The following FAT3 variants were observed in gnomAD, a reference collection of about 807,000 sequenced individuals.
The protein encoded by FAT3 is protocadherin Fat 3.
In FAT3, 95 loss-of-function variants were observed where a neutral mutation model predicts 310.2. The observed-to-expected ratio is 0.31, with a 90% CI of 0.26 to 0.36. The LOEUF (loss-of-function observed/expected upper bound fraction) is 0.36. FAT3 is among the 10% of genes least tolerant of loss of function. The pLI, the probability that FAT3 is intolerant of heterozygous loss-of-function variation, is 1.00. For synonymous variants in FAT3, 2,314 were observed against 2,192.9 expected (o/e 1.06, Z -1.54); for missense variants, 5,408 against 5,715.6 (o/e 0.95, Z 1.74).
At chr11:92,717,914 G>T (rs114508214) in intron 4 of FAT3, among the ~76,000 whole-genome samples, 3 of 152,130 alleles carry the variant, frequency 2.0e-5, no homozygotes, top group East Asian at 1.9e-4. Context: ...AAACTGGATG[G>T]TAGCAAGCTA....
intron 1 of FAT3, among the ~76,000 whole-genome samples, chr11:92,250,342 G>A (rs1265248957): frequency 6.6e-6 from 1 of 152,160 alleles, no homozygotes; most frequent in South Asian, 2.1e-4. Flanking sequence ...ACACTGAAGG[G>A]AGAGTATTCT....
intron 2 of FAT3, among the ~76,000 whole-genome samples, chr11:92,483,511 C>G (rs1952292723): frequency 6.6e-6 from 1 of 151,932 alleles, no homozygotes; most frequent in South Asian, 2.1e-4. Flanking sequence ...AAGCTGTTTT[C>G]TAACATATTT....
intron 10 of FAT3, among the ~76,000 whole-genome samples, chr11:92,803,670 G>A (rs1947427457): frequency 6.6e-6 from 1 of 152,100 alleles, no homozygotes; most frequent in African/African-American, 2.4e-5. Flanking sequence ...AGCATCCCTG[G>A]CCTCTACCCA....
At chr11:92,664,027 A>AAC (rs796197457) in intron 3 of FAT3, among the ~76,000 whole-genome samples, 1 of 151,942 alleles carries the variant, frequency 6.6e-6, no homozygotes, top group African/African-American at 2.4e-5. Flanking sequence ...CCCTCCCCCA[A>AAC]ACACACACAC....
intron 3 of FAT3, among the ~76,000 whole-genome samples, chr11:92,549,598 CTT>C (rs1954731973): frequency 1.3e-5 from 2 of 152,030 alleles, no homozygotes; most frequent in Admixed American, 6.6e-5. Flanking sequence ...ATGATGATAA[CTT>C]ATATCTTGGT....
chr11:92,404,021 C>G (rs1950083621), intron 2 of FAT3, among the ~76,000 whole-genome samples: 1 of 150,044 alleles, frequency 6.7e-6, no homozygotes, highest in Non-Finnish European at 1.5e-5. Context: ...GGCCACAGAA[C>G]AAGAGTCCGT....
chr11:92,229,489 CGT>C (rs1491168298), intron 1 of FAT3, among the ~76,000 whole-genome samples: 4 of 48,670 alleles, frequency 8.2e-5, no homozygotes, highest in Non-Finnish European at 1.7e-4. Flanking sequence ...TTTGTTTTTT[CGT>C]GTTTTTTTTT....
chr11:92,237,404 C>T lies in FAT3; in HGVS notation c.-18+12230C>T, dbSNP rs111556094. On this transcript the variant is annotated intron_variant, in intron 1 of 27. Coordinates refer to ENST00000525166, the MANE Select transcript of FAT3 (RefSeq NM_001367949.2). ...GGTGACCAATTTCGAACAGTTTCTA[C>T]TTGGTGACTCTCCTTTGTTTGGGAC... 2.5e-3 allele frequency among the ~76,000 whole-genome samples: 384 copies of T among 152,266 alleles called. 2 individuals carry two copies. Among genetic ancestry groups the T allele is most frequent in the African/African-American group, 8.6e-3 (359 of 41,554 alleles).
At chr11:92,429,977 A>C (rs1043928120) in intron 2 of FAT3, among the ~76,000 whole-genome samples, 1 of 152,172 alleles carries the variant, frequency 6.6e-6, no homozygotes. Flanking sequence ...GTGTTTTCCA[A>C]CTTGGTTCCA....
At chr11:92,784,005 T>G (rs368662922) in intron 7 of FAT3, among the ~76,000 whole-genome samples, 1 of 152,226 alleles carries the variant, frequency 6.6e-6, no homozygotes, top group East Asian at 1.9e-4. Context: ...CTGTACACAT[T>G]GTATGTATAA....
chr11:92,472,429 A>C (rs1283548984), intron 2 of FAT3, among the ~76,000 whole-genome samples: 2 of 152,150 alleles, frequency 1.3e-5, no homozygotes, highest in African/African-American at 4.8e-5. Flanking sequence ...TCTCTAGTTT[A>C]GTCTGTCTTG....
intron 2 of FAT3, among the ~76,000 whole-genome samples, chr11:92,496,200 G>C (rs935922951): frequency 6.6e-6 from 1 of 151,998 alleles, no homozygotes. Flanking sequence ...AACGTATGTA[G>C]CCTTTTGCTT....
At chr11:92,667,259 C>T (rs372533075) in intron 3 of FAT3, among the ~76,000 whole-genome samples, 8 of 152,270 alleles carry the variant, frequency 5.3e-5, no homozygotes, top group East Asian at 3.9e-4. Context: ...GCTAGTGAGA[C>T]GTGGCAGCAT....
intron 2 of FAT3, among the ~76,000 whole-genome samples, chr11:92,429,752 G>A (rs1229862085): frequency 6.6e-6 from 1 of 152,176 alleles, no homozygotes; most frequent in African/African-American, 2.4e-5. Flanking sequence ...TCTGCTTTTA[G>A]TATGATGGGC....
intron 1 of FAT3, among the ~76,000 whole-genome samples, chr11:92,233,755 T>A (rs914101125): frequency 1.2e-4 from 19 of 152,182 alleles, no homozygotes; most frequent in Middle Eastern, 3.2e-3. Context: ...ACAAAACATA[T>A]TATATTGCCA....
intron 25 of FAT3, 63 bp from the exon 26 acceptor site, chr11:92,889,126 A>G: frequency 1.5e-6 from 1 of 665,140 alleles, no homozygotes; most frequent in Non-Finnish European, 2.8e-6. Context: ...AGGTGTGTTT[A>G]AAATATACAA....
intron 2 of FAT3, among the ~76,000 whole-genome samples, chr11:92,496,786 T>C (rs1369562022): frequency 6.6e-6 from 1 of 152,010 alleles, no homozygotes; most frequent in Non-Finnish European, 1.5e-5. Context: ...GGAAAGGGGT[T>C]ATGTTTTATA....
At chr11:92,259,140 C>A (rs1358201914) in intron 1 of FAT3, among the ~76,000 whole-genome samples, 1 of 152,010 alleles carries the variant, frequency 6.6e-6, no homozygotes, top group African/African-American at 2.4e-5. Flanking sequence ...GAGCATGCTC[C>A]TGCATCTGTA....
chr11:92,878,660 A>AAC (rs1949597128), intron 22 of FAT3, among the ~76,000 whole-genome samples: 2 of 80,606 alleles, frequency 2.5e-5, no homozygotes, highest in Non-Finnish European at 4.5e-5. Flanking sequence ...AAAAAAAAAA[A>AAC]AAAAAAAGCT....
Sources: allele counts gnomAD v4.1 joint callset (sites outside exome capture counted in the v4.1 genomes callset), GRCh38; gene constraint gnomAD v4.1.1; transcripts MANE v1.5; gene names NCBI Gene and HGNC (gene_info 2026-07-23, HGNC 2026-07-21).